PDE1C: variants seen among roughly 807,000 people sequenced by gnomAD.
The protein encoded by PDE1C is phosphodiesterase 1C.
A neutral mutation model predicts 93.1 loss-of-function variants in PDE1C; 62 were observed. The ratio of observed to expected loss-of-function variants is 0.67; its 90% CI spans 0.54 to 0.82. The LOEUF is 0.82. PDE1C is among the 40% of genes least tolerant of loss of function. The pLI is 0.00. For missense variants in PDE1C, 742 were observed against 884.6 expected (o/e 0.84, Z 2.04); for synonymous variants, 325 against 310.1 (o/e 1.05, Z -0.50).
chr7:31,692,138 T>C, the PDE1C span, among the ~76,000 whole-genome samples: 1 of 152,202 alleles, frequency 6.6e-6, no homozygotes. Context: ...ACTCTCAATG[T>C]GTCTCTGAGA....
chr7:31,672,366 TCTC>T, the PDE1C span, among the ~76,000 whole-genome samples: 1 of 152,068 alleles, frequency 6.6e-6, no homozygotes, highest in Non-Finnish European at 1.5e-5. Context: ...ATAGATAACT[TCTC>T]CTGTTACTAA....
chr7:32,404,195 C>T (rs956249547), intron 1 of PDE1C, among the ~76,000 whole-genome samples: 1 of 152,110 alleles, frequency 6.6e-6, no homozygotes. Flanking sequence ...ATGGTGGTGC[C>T]TATTCCATAG....
chr7:32,340,787 A>C (rs954376424), intron 1 of PDE1C, among the ~76,000 whole-genome samples: 5 of 152,244 alleles, frequency 3.3e-5, no homozygotes, highest in Non-Finnish European at 7.3e-5. Flanking sequence ...ATTCTAGAAA[A>C]GAAAATACAA....
chr7:31,707,136 C>A, the PDE1C span: 1 of 1,437,162 alleles, frequency 7.0e-7, no homozygotes, highest in South Asian at 1.2e-5. Context: ...TGTACTGTGT[C>A]TGTCTGCAAC....
chr7:32,307,432 G>C lies in PDE1C; in HGVS notation c.311-97893C>G, dbSNP rs75335929. Among the ~76,000 whole-genome samples, 1,195 of 152,304 alleles carry C rather than the reference G, an allele frequency of 7.8e-3. 7 individuals are homozygous for C. Among genetic ancestry groups the C allele is most frequent in the Non-Finnish European group, 0.011 (743 of 68,014 alleles). ...CACACATCCCTTCCTCCCACATTCTGTTAGCCAGAAATTAGTCATATGGCC... is the reference window on the plus strand; with the variant it reads ...CACACATCCCTTCCTCCCACATTCTCTTAGCCAGAAATTAGTCATATGGCC... On this transcript the variant is annotated intron_variant, in intron 1 of 1. Transcript: ENST00000672256.
At chr7:31,789,872 C>T (rs1784382821) in intron 16 of PDE1C, 1 of 1,041,612 alleles carries the variant, frequency 9.6e-7, no homozygotes, top group Admixed American at 5.5e-5. Context: ...TCAGGCCTCT[C>T]CCAGCATATC....
chr7:31,979,552 C>T (rs1187947820), intron 2 of PDE1C, among the ~76,000 whole-genome samples: 1 of 152,092 alleles, frequency 6.6e-6, no homozygotes, highest in Non-Finnish European at 1.5e-5. Flanking sequence ...AAGGAACTTG[C>T]CCAAGGTCAC....
At chr7:32,071,757 G>A (rs2128728874), upstream of PDE1C, among the ~76,000 whole-genome samples, 1 of 152,256 alleles carries the variant, frequency 6.6e-6, no homozygotes, top group Middle Eastern at 3.4e-3. Context: ...TTGGGAGTCA[G>A]GGAGGGAGGA....
At position 31,995,311 on chromosome 7, in the gene PDE1C, T is replaced by C. The variant is rs142297123; in HGVS notation, c.128+56243A>G. Among the ~76,000 whole-genome samples the C allele has an allele frequency of 2.5e-3, 385 of 152,264 alleles. 4 individuals are homozygous for C. Among genetic ancestry groups the C allele is most frequent in the African/African-American group, 8.6e-3 (357 of 41,562 alleles). Reference sequence around the variant, plus strand: ...TTGGTCAGAGGTCTATTTTGTGAACTGCTTGATGGACAAGAGAGTCCATTA... The same window carrying C: ...TTGGTCAGAGGTCTATTTTGTGAACCGCTTGATGGACAAGAGAGTCCATTA... On this transcript the variant is annotated intron_variant, in intron 2 of 17. Coordinates refer to ENST00000396191, the MANE Select transcript of PDE1C (RefSeq NM_001191057.4).
chr7:32,412,702 C>T (rs1785196234), intron 1 of PDE1C, among the ~76,000 whole-genome samples: 1 of 114 alleles, frequency 8.8e-3, no homozygotes, highest in Admixed American at 0.17. Context: ...TCCATCATTG[C>T]CCGAAATTCG....
At chr7:31,958,345 C>A (rs77026982) in intron 2 of PDE1C, among the ~76,000 whole-genome samples, 2,682 of 152,290 alleles carry the variant, frequency 0.018, 80 homozygotes, top group African/African-American at 0.061. Flanking sequence ...CACAGAGGTG[C>A]ATCTGACATT....
At chr7:31,643,465 C>A in the PDE1C span, 2 of 1,614,014 alleles carry the variant, frequency 1.2e-6, no homozygotes, top group Admixed American at 3.3e-5. Context: ...GGAAAACCTT[C>A]CTCTAAATAC....
chr7:31,837,652 C>A (rs1791287905), intron 10 of PDE1C, among the ~76,000 whole-genome samples: 1 of 152,212 alleles, frequency 6.6e-6, no homozygotes, highest in Non-Finnish European at 1.5e-5. Context: ...TCACTGGGGA[C>A]AACTGATGCT....
intron 1 of PDE1C, among the ~76,000 whole-genome samples, chr7:32,244,505 C>T (rs866711725): frequency 6.6e-6 from 1 of 152,158 alleles, no homozygotes; most frequent in African/African-American, 2.4e-5. Context: ...AAGGAATTCA[C>T]TTTGGATCTT....
chr7:32,014,018 A>C (rs1262694748), intron 2 of PDE1C, among the ~76,000 whole-genome samples: 1 of 152,254 alleles, frequency 6.6e-6, no homozygotes, highest in Non-Finnish European at 1.5e-5. Flanking sequence ...TCAAGAAAGA[A>C]GACAAAGAAA....
At chr7:31,781,301 C>A (rs1229194106) in intron 16 of PDE1C, among the ~76,000 whole-genome samples, 2 of 152,142 alleles carry the variant, frequency 1.3e-5, no homozygotes, top group African/African-American at 4.8e-5. Context: ...GCTCTTGAGA[C>A]CAAACATCAT....
intron 9 of PDE1C, among the ~76,000 whole-genome samples, chr7:31,838,352 C>A (rs1458219021): frequency 1.3e-5 from 2 of 152,108 alleles, no homozygotes. Flanking sequence ...TACAGGTATT[C>A]CATCTTTTTA....
At chr7:32,262,738 C>A (rs1465402983) in intron 1 of PDE1C, among the ~76,000 whole-genome samples, 1 of 152,168 alleles carries the variant, frequency 6.6e-6, no homozygotes, top group Admixed American at 6.5e-5. Context: ...GAAGGGGGAG[C>A]CCCCGTAACA....
At chr7:32,090,623 C>T (rs1189300839) in intron 3 of PDE1C, among the ~76,000 whole-genome samples, 1 of 152,150 alleles carries the variant, frequency 6.6e-6, no homozygotes, top group African/African-American at 2.4e-5. Context: ...GGAAACCCCA[C>T]GGTTTGGATC....
Sources: allele counts gnomAD v4.1 joint callset (sites outside exome capture counted in the v4.1 genomes callset), GRCh38; gene constraint gnomAD v4.1.1; transcripts MANE v1.5; gene names NCBI Gene and HGNC (gene_info 2026-07-23, HGNC 2026-07-21).